Variants in TAMM41 observed in about 807,000 individuals in gnomAD.
TAMM41 encodes the protein TAM41 mitochondrial translocator assembly and maintenance homolog, also known as phosphatidate cytidylyltransferase, mitochondrial.
A neutral mutation model predicts 44.1 loss-of-function variants in TAMM41; 36 were observed. That is an observed-to-expected ratio of 0.82 (90% confidence interval 0.63 to 1.08). TAMM41 has a LOEUF of 1.08. Among genes scored for constraint, TAMM41 ranks in the 50% least tolerant of loss-of-function variants. The probability of loss-of-function intolerance (pLI) is 0.00; values close to 1 mark genes in which losing one functional copy is unlikely to be tolerated. For synonymous variants in TAMM41, 164 were observed against 153.1 expected (o/e 1.07, Z -0.53); for missense variants, 417 against 404.3 (o/e 1.03, Z -0.27).
the TAMM41 span, among the ~76,000 whole-genome samples, chr3:11,743,745 C>G: frequency 6.6e-6 from 1 of 152,190 alleles, no homozygotes; most frequent in Non-Finnish European, 1.5e-5. Flanking sequence ...TCTGGCCACT[C>G]TTACCCTCAG....
rs114424410 is a variant in TAMM41 at position 11,819,296 on chromosome 3, G to C, written c.563-1959C>G. 6.3e-3 allele frequency among the ~76,000 whole-genome samples: 956 copies of C among 152,308 alleles called. 11 individuals are homozygous for C. The highest frequency in any genetic ancestry group is 0.022 in the African/African-American group (912 of 41,564). On this transcript the variant is annotated intron_variant, in intron 4 of 7. Transcript: ENST00000455809. Reference sequence around the variant, plus strand: ...TACCAGCCACTGTGCCAAGTGTGTTGTGGTATTGCTTCATTTAATACACAC... The same window carrying C: ...TACCAGCCACTGTGCCAAGTGTGTTCTGGTATTGCTTCATTTAATACACAC...
the TAMM41 span, among the ~76,000 whole-genome samples, chr3:11,784,707 C>T: frequency 7.9e-5 from 12 of 151,984 alleles, no homozygotes; most frequent in South Asian, 2.5e-3. Flanking sequence ...TTAAAAGAGG[C>T]ATTAACATCA....
the TAMM41 span, among the ~76,000 whole-genome samples, chr3:11,727,708 C>T: frequency 2.0e-5 from 3 of 152,096 alleles, no homozygotes; most frequent in Non-Finnish European, 4.4e-5. Context: ...TCAAGTGATC[C>T]TCCCGCCTTG....
the TAMM41 span, among the ~76,000 whole-genome samples, chr3:11,760,072 A>G: frequency 1.3e-5 from 2 of 152,202 alleles, no homozygotes; most frequent in African/African-American, 2.4e-5. Flanking sequence ...TCCAAAACAC[A>G]TCTATTGTCA....
chr3:11,743,967 A>G, the TAMM41 span, among the ~76,000 whole-genome samples: 1 of 152,198 alleles, frequency 6.6e-6, no homozygotes, highest in Non-Finnish European at 1.5e-5. Context: ...CATTGATGAG[A>G]TAAGAACAAG....
At chr3:11,761,777 T>A in the TAMM41 span, among the ~76,000 whole-genome samples, 1 of 151,324 alleles carries the variant, frequency 6.6e-6, no homozygotes, top group Admixed American at 6.6e-5. Context: ...TGAAATCCTG[T>A]CTCTACTAAA....
downstream of TAMM41, among the ~76,000 whole-genome samples, chr3:11,786,119 T>C (rs554638032): frequency 2.1e-4 from 32 of 152,212 alleles, no homozygotes; most frequent in Non-Finnish European, 4.4e-4. Context: ...TGTGGGCTTG[T>C]AGGTTCCAAT....
chr3:11,824,490 C>T (rs935092512), intron 4 of TAMM41, among the ~76,000 whole-genome samples: 6 of 149,922 alleles, frequency 4.0e-5, no homozygotes, highest in African/African-American at 1.5e-4. Flanking sequence ...GATGGGGTTT[C>T]ATCATGTTGG....
chr3:11,820,506 T>C (rs2078472116), intron 4 of TAMM41, among the ~76,000 whole-genome samples: 2 of 152,220 alleles, frequency 1.3e-5, no homozygotes, highest in Non-Finnish European at 2.9e-5. Context: ...CTTATTTATG[T>C]CTGCATCCTT....
chr3:11,746,144 C>CA, the TAMM41 span, among the ~76,000 whole-genome samples: 9,936 of 151,856 alleles, frequency 0.065, 433 homozygotes, highest in African/African-American at 0.12. Flanking sequence ...ACTAAAAATA[C>CA]AAAAAAATTA....
At chr3:11,809,269 C>T (rs545211336) in intron 6 of TAMM41, 37 of 494,898 alleles carry the variant, frequency 7.5e-5, no homozygotes, top group African/African-American at 6.3e-4. Flanking sequence ...CCAAAAGAAA[C>T]ATTGTTTCTC....
the TAMM41 span, among the ~76,000 whole-genome samples, chr3:11,756,930 G>A: frequency 6.6e-6 from 1 of 151,370 alleles, no homozygotes; most frequent in Non-Finnish European, 1.5e-5. Flanking sequence ...TCTTTCAAAT[G>A]GACTCCATTT....
rs1559275694 is a variant in TAMM41 at position 11,804,996 on chromosome 3, C to CCT, written c.937+2836_937+2837insAG. On this transcript the variant is annotated intron_variant, in intron 7 of 7. Coordinates refer to ENST00000455809, the MANE Select transcript of TAMM41 (RefSeq NM_001284401.2). ...CGGGCGCGCACCACCACGCCCAGCC[C>CCT]TTTTTTTTTTTTTTTTTTTTTTTTT... 1.8e-3 allele frequency among the ~76,000 whole-genome samples: 183 copies of CCT among 103,062 alleles called. 3 individuals are homozygous for CCT. Among genetic ancestry groups the CCT allele is most frequent in the African/African-American group, 7.0e-3 (172 of 24,434 alleles). 67.6% of individuals were successfully genotyped at this position (103,062 alleles called of 152,430 possible). A position where few individuals can be genotyped will look rare whatever the true frequency, so the allele number is the denominator to read the frequency against.
At chr3:11,762,888 C>T in the TAMM41 span, among the ~76,000 whole-genome samples, 14 of 152,136 alleles carry the variant, frequency 9.2e-5, no homozygotes, top group Non-Finnish European at 1.5e-4. Context: ...GGTGAAAACC[C>T]GTCTCTTCTA....
chr3:11,752,078 T>C, the TAMM41 span, among the ~76,000 whole-genome samples: 1,390 of 152,042 alleles, frequency 9.1e-3, 12 homozygotes, highest in African/African-American at 0.032. Context: ...GTGTCCGGAG[T>C]TGGTTCCTTC....
intron 7 of TAMM41, among the ~76,000 whole-genome samples, chr3:11,800,154 C>G (rs1476857086): frequency 6.6e-6 from 1 of 152,026 alleles, no homozygotes; most frequent in Non-Finnish European, 1.5e-5. Flanking sequence ...ATATAAAACT[C>G]ACAGTTCTTA....
chr3:11,781,640 C>T, the TAMM41 span, among the ~76,000 whole-genome samples: 1 of 151,794 alleles, frequency 6.6e-6, no homozygotes, highest in Non-Finnish European at 1.5e-5. Context: ...GAGGCTGAGG[C>T]AGGAGAATTG....
chr3:11,734,964 G>A, the TAMM41 span, among the ~76,000 whole-genome samples: 8 of 150,902 alleles, frequency 5.3e-5, no homozygotes, highest in African/African-American at 2.0e-4. Context: ...CAGGAGAATT[G>A]CCTGAACCCG....
chr3:11,752,117 A>C, the TAMM41 span, among the ~76,000 whole-genome samples: 1 of 152,136 alleles, frequency 6.6e-6, no homozygotes, highest in Non-Finnish European at 1.5e-5. Flanking sequence ...CCTGACTTCA[A>C]GAATGAAGCT....
Sources: allele counts gnomAD v4.1 joint callset (sites outside exome capture counted in the v4.1 genomes callset), GRCh38; gene constraint gnomAD v4.1.1; transcripts MANE v1.5; gene names NCBI Gene and HGNC (gene_info 2026-07-23, HGNC 2026-07-21).